The following ATP1B4 variants were observed in gnomAD, a reference collection of about 807,000 sequenced individuals.
ATP1B4 encodes ATPase Na+/K+ transporting family member beta 4, also known as protein ATP1B4.
ATP1B4 carries 32 observed loss-of-function variants against 29.6 expected under a neutral mutation model. The ratio of observed to expected loss-of-function variants is 1.08; its 90% CI spans 0.82 to 1.45. ATP1B4 has a LOEUF of 1.45. Among genes scored for constraint, ATP1B4 ranks in the 40% most tolerant of loss-of-function variants. The pLI, the probability that ATP1B4 is intolerant of heterozygous loss-of-function variation, is 0.00. For synonymous variants in ATP1B4, 127 were observed against 102.1 expected (o/e 1.24, Z -1.47); for missense variants, 323 against 276.2 (o/e 1.17, Z -1.20).
At chrX:120,367,835 C>T (rs1320735492) in intron 2 of ATP1B4, among the ~76,000 whole-genome samples, 3 of 111,351 alleles carry the variant, frequency 2.7e-5, no homozygotes, top group Non-Finnish European at 5.7e-5. Context: ...AGGAATAGCA[C>T]GTGGGATCTC....
chrX:120,370,344 A>T (rs924409680), intron 2 of ATP1B4, among the ~76,000 whole-genome samples: 1 of 111,794 alleles, frequency 8.9e-6, no homozygotes, highest in Admixed American at 9.5e-5. Context: ...AGGACTCTTC[A>T]GGGCACCCAC....
intron 1 of ATP1B4, among the ~76,000 whole-genome samples, chrX:120,362,941 C>G (rs2058269509): frequency 8.9e-6 from 1 of 112,763 alleles, no homozygotes; most frequent in African/African-American, 3.2e-5. Context: ...GACTGCCACC[C>G]CACACTGCCC....
At chrX:120,364,771 C>G (rs139700523) in intron 1 of ATP1B4, among the ~76,000 whole-genome samples, 1 of 112,280 alleles carries the variant, frequency 8.9e-6, no homozygotes, top group African/African-American at 3.2e-5. Flanking sequence ...GGCTGGAGTA[C>G]AGTGGCATGA....
In ATP1B4 at chrX:120,377,751, A is replaced by C. The variant is rs190577697; in HGVS notation, c.817-927A>C. On this transcript the variant is annotated intron_variant, in intron 6 of 7. Coordinates refer to ENST00000218008, the MANE Select transcript of ATP1B4 (RefSeq NM_001142447.3). ...TTTAAAAAATATATTAAGAATCTCT[A>C]TACATTCTATAATAAACAATACTGG... Among the ~76,000 whole-genome samples, 5 of 111,982 alleles carry C rather than the reference A, an allele frequency of 4.5e-5. No homozygotes were observed. The East Asian group carries it at 1.4e-3, about 31-fold the overall frequency.
chrX:120,366,770 C>T lies in ATP1B4; in HGVS notation c.309C>T (p.Ala103=). 8.3e-7 allele frequency: 1 copy of T among 1,210,309 alleles called. No homozygotes were observed. The highest frequency in any genetic ancestry group is 1.1e-6 in the Non-Finnish European group (1 of 894,505). ...ATCCAGAGAGAAGGATGTTTCTGGC[C>T]CGAACAGGTCAGAGTTGGAGTAAGT... ...LWDPERRMFL[A]RTGQSWSLIL... is the part of the protein sequence containing the mutation. Residue 103 remains alanine (A), a synonymous_variant, in exon 2 of 8, where the codon GCC becomes GCT. Transcript: ENST00000218008.
In ATP1B4 at chrX:120,374,761, AT is replaced by A. The variant is rs1191949000; in HGVS notation, c.563-609del. On this transcript the variant is annotated intron_variant, in intron 4 of 7. Transcript: ENST00000218008. ...TATATATAAGGGTGTATATATATAT[AT>A]TATATATATATAATATATATATATT... 6.9e-4 allele frequency among the ~76,000 whole-genome samples: 20 copies of A among 29,116 alleles called. 1 individual carries two copies. The highest frequency in any genetic ancestry group is 7.2e-4 in the Non-Finnish European group (12 of 16,720). 25.3% of individuals were successfully genotyped at this position (29,116 alleles called of 115,157 possible).
chrX:120,367,361 C>T (rs2058291340), intron 2 of ATP1B4, among the ~76,000 whole-genome samples: 2 of 112,209 alleles, frequency 1.8e-5, no homozygotes, highest in African/African-American at 6.5e-5. Flanking sequence ...GAGGCGTGTC[C>T]CTGGCCCCAG....
rs199746262 is a variant in ATP1B4, at chrX:120,374,900, G to GTA, written c.563-461_563-460dup. ...TAAGGGTATATCCTTATATATCCTG[G>GTA]TATATATATATACCCTTATATATAC... On this transcript the variant is annotated intron_variant, in intron 4 of 7. Transcript: ENST00000218008. Among the ~76,000 whole-genome samples the GTA allele has an allele frequency of 8.1e-3, 678 of 83,648 alleles. 7 individuals carry two copies. The highest frequency in any genetic ancestry group is 0.029 in the African/African-American group (626 of 21,828). 72.6% of individuals were successfully genotyped at this position (83,648 alleles called of 115,157 possible).
At chrX:120,375,677 A>AT in intron 5 of ATP1B4, 109 bp downstream of exon 5, 1 of 639,852 alleles carries the variant, frequency 1.6e-6, no homozygotes, top group East Asian at 3.5e-5. Flanking sequence ...AGGTTTGGCC[A>AT]TTTTTCTGAC....
chrX:120,377,600 T>C (rs1265780547), intron 6 of ATP1B4, among the ~76,000 whole-genome samples: 1 of 112,502 alleles, frequency 8.9e-6, no homozygotes, highest in African/African-American at 3.2e-5. Context: ...GTTCTACTTA[T>C]TGTTCCCTAA....
In ATP1B4 at chrX:120,374,643, T is replaced by TTA. The variant is rs761986696; in HGVS notation, c.563-718_563-717dup. On this transcript the variant is annotated intron_variant, in intron 4 of 7. Transcript: ENST00000218008. ...CCCTTATATATAATATAATATTATA[T>TTA]TATATATATATAATATAATATATAA... 9.4e-4 allele frequency among the ~76,000 whole-genome samples: 31 copies of TTA among 32,930 alleles called. 1 individual carries two copies. The highest frequency in any genetic ancestry group is 3.8e-3 in the African/African-American group (31 of 8,085). 28.6% of individuals were successfully genotyped at this position (32,930 alleles called of 115,157 possible). A position where few individuals can be genotyped will look rare whatever the true frequency, so the allele number is the denominator to read the frequency against.
At chrX:120,364,196 G>A (rs952491259) in intron 1 of ATP1B4, among the ~76,000 whole-genome samples, 1 of 111,967 alleles carries the variant, frequency 8.9e-6, no homozygotes, top group Non-Finnish European at 1.9e-5. Context: ...CTCCTCTGTG[G>A]AAGGTTAAAG....
At chrX:120,366,832 C>A in intron 2 of ATP1B4, 43 bp downstream of exon 2, 1 of 1,186,638 alleles carries the variant, frequency 8.4e-7, no homozygotes, top group Non-Finnish European at 1.1e-6. Flanking sequence ...GTGTCCTTTG[C>A]TTTTGGTGTG....
intron 4 of ATP1B4, among the ~76,000 whole-genome samples, chrX:120,374,773 TA>T (rs1482920165): frequency 0.022 from 8 of 364 alleles, 1 homozygote; most frequent in South Asian, 0.33. Flanking sequence ...TATATATATA[TA>T]ATATATATAT....
chrX:120,372,428 C>A (rs1430999776), intron 4 of ATP1B4, among the ~76,000 whole-genome samples: 1 of 111,938 alleles, frequency 8.9e-6, no homozygotes, highest in African/African-American at 3.2e-5. Context: ...TTTAACTCTG[C>A]ATAATAAAGT....
intron 6 of ATP1B4, among the ~76,000 whole-genome samples, chrX:120,376,772 G>T (rs764473865): frequency 8.0e-5 from 9 of 112,231 alleles, no homozygotes; most frequent in Non-Finnish European, 1.7e-4. Context: ...TTACACTTTT[G>T]CTTTTAGCTC....
chrX:120,364,276 C>G (rs773114804), intron 1 of ATP1B4, among the ~76,000 whole-genome samples: 32 of 111,884 alleles, frequency 2.9e-4, no homozygotes, highest in Non-Finnish European at 4.3e-4. Flanking sequence ...TATTTCTCCT[C>G]AATGAAATGT....
At chrX:120,375,816 G>A (rs923955482) in intron 5 of ATP1B4, among the ~76,000 whole-genome samples, 5 of 109,778 alleles carry the variant, frequency 4.6e-5, no homozygotes, top group Non-Finnish European at 9.5e-5. Flanking sequence ...CAAGAATGGG[G>A]TCCTAGTCAA....
intron 4 of ATP1B4, among the ~76,000 whole-genome samples, chrX:120,373,882 GC>G (rs1191680529): frequency 9.0e-6 from 1 of 110,599 alleles, no homozygotes; most frequent in Non-Finnish European, 1.9e-5. Context: ...TGAAGAGCTG[GC>G]TTATTCCCTC....
Sources: gnomAD v4.1 joint callset for allele counts (sites outside exome capture counted in the v4.1 genomes callset) on GRCh38, gnomAD v4.1.1 for gene constraint, MANE v1.5 for transcripts, NCBI Gene and HGNC (gene_info 2026-07-23, HGNC 2026-07-21) for gene names.